Variants in DIPK1A observed in about 807,000 individuals in gnomAD.
The protein encoded by DIPK1A is family with sequence similarity 69 member A.
In DIPK1A, 27 loss-of-function variants were observed where a neutral mutation model predicts 40.8. That is an observed-to-expected ratio of 0.66 (90% CI 0.49 to 0.91). The LOEUF is 0.91. DIPK1A is among the 40% of genes least tolerant of loss of function. The pLI, the probability that DIPK1A is intolerant of heterozygous loss-of-function variation, is 0.00. For missense variants in DIPK1A, 412 were observed against 505.7 expected (o/e 0.81, Z 1.78); for synonymous variants, 166 against 171.3 (o/e 0.97, Z 0.24).
rs773989176 is a variant in DIPK1A, at chr1:92,847,363, T to C, written c.298-4A>G. 17 of 1,590,754 alleles carry C rather than the reference T, an allele frequency of 1.1e-5. No individual in the cohort carries two copies. The highest frequency in any genetic ancestry group is 2.3e-5 in the East Asian group (1 of 44,330). On this transcript the variant is annotated splice_region_variant and splice_polypyrimidine_tract_variant and intron_variant, in intron 3 of 4. Transcript: ENST00000370310. ...TATCCCAAATCCCTAAATACATCTATGTAAAAAAGAGTGGCAAGTTATGTA... is the reference window on the plus strand; with the variant it reads ...TATCCCAAATCCCTAAATACATCTACGTAAAAAAGAGTGGCAAGTTATGTA...
intron 4 of DIPK1A, chr1:92,836,910 CTG>C: frequency 9.2e-6 from 2 of 217,524 alleles, no homozygotes; most frequent in East Asian, 1.2e-4. Context: ...GTTGTTGAGT[CTG>C]TGCATCTTGA....
At chr1:92,908,020 C>T (rs1484846544) in intron 1 of DIPK1A, among the ~76,000 whole-genome samples, 1 of 152,048 alleles carries the variant, frequency 6.6e-6, no homozygotes, top group African/African-American at 2.4e-5. Context: ...AGTAGGAGCC[C>T]CAAGTTTCTG....
At chr1:92,866,926 T>C (rs1647572424) in intron 2 of DIPK1A, among the ~76,000 whole-genome samples, 18 of 152,202 alleles carry the variant, frequency 1.2e-4, no homozygotes, top group Admixed American at 1.2e-3. Flanking sequence ...GCTTCTCTGA[T>C]TGAATCCTGA....
At chr1:92,874,916 G>T (rs971691681) in intron 2 of DIPK1A, among the ~76,000 whole-genome samples, 2 of 152,048 alleles carry the variant, frequency 1.3e-5, no homozygotes, top group African/African-American at 4.8e-5. Context: ...CAGTACATTG[G>T]CCCCAGAGAT....
intron 2 of DIPK1A, among the ~76,000 whole-genome samples, chr1:92,873,713 G>T (rs540606547): frequency 4.6e-5 from 7 of 151,922 alleles, no homozygotes; most frequent in African/African-American, 1.7e-4. Flanking sequence ...TACTTTTAAA[G>T]AAGTTATTTT....
intron 1 of DIPK1A, among the ~76,000 whole-genome samples, chr1:92,950,451 GA>G (rs1651583912): frequency 6.6e-6 from 1 of 152,230 alleles, no homozygotes; most frequent in South Asian, 2.1e-4. Flanking sequence ...TCACCAGCAG[GA>G]AGGGAGACCT....
intron 1 of DIPK1A, among the ~76,000 whole-genome samples, chr1:92,881,950 GTC>G: frequency 6.6e-6 from 1 of 152,192 alleles, no homozygotes; most frequent in Middle Eastern, 3.4e-3. Context: ...ATATTTAAAT[GTC>G]TCTAAGATCT....
intron 1 of DIPK1A, among the ~76,000 whole-genome samples, chr1:92,914,347 CAT>C (rs1422911314): frequency 1.3e-5 from 2 of 152,038 alleles, no homozygotes; most frequent in African/African-American, 4.8e-5. Context: ...TTATTAATCA[CAT>C]GTGAAGTTCT....
chr1:92,889,869 T>C (rs956617802), intron 1 of DIPK1A, among the ~76,000 whole-genome samples: 1 of 152,094 alleles, frequency 6.6e-6, no homozygotes, highest in African/African-American at 2.4e-5. Context: ...AGGCTGGTCT[T>C]GAACTACTGA....
chr1:92,886,206 C>T (rs1648591461), intron 1 of DIPK1A, among the ~76,000 whole-genome samples: 1 of 151,916 alleles, frequency 6.6e-6, no homozygotes, highest in Admixed American at 6.6e-5. Flanking sequence ...GTGGCTTGCA[C>T]CTGTAGTCCC....
At chr1:92,941,232 C>G (rs1449841073) in intron 1 of DIPK1A, among the ~76,000 whole-genome samples, 1 of 152,132 alleles carries the variant, frequency 6.6e-6, no homozygotes, top group African/African-American at 2.4e-5. Context: ...TATTAAAAAA[C>G]AGAATTATCC....
intron 2 of DIPK1A, among the ~76,000 whole-genome samples, chr1:92,867,674 T>C (rs1647620696): frequency 6.6e-6 from 1 of 152,102 alleles, no homozygotes; most frequent in Admixed American, 6.6e-5. Context: ...CCTGGCTAAT[T>C]TTTGTATTTT....
rs552144485 is a variant in DIPK1A at position 92,892,994 on chromosome 1, T to G, written c.55-16564A>C. Among the ~76,000 whole-genome samples the G allele has an allele frequency of 2.3e-3, 343 of 152,102 alleles. 5 individuals are homozygous for G. The highest frequency in any genetic ancestry group is 7.6e-3 in the African/African-American group (316 of 41,426). Reference sequence around the variant, plus strand: ...ATGAACAAAGCCTCCAAGAAATATGTGACTATGTGAAAAGACCAAATCTAC... The same window carrying G: ...ATGAACAAAGCCTCCAAGAAATATGGGACTATGTGAAAAGACCAAATCTAC... On this transcript the variant is annotated intron_variant, in intron 1 of 4. Coordinates refer to ENST00000370310, the MANE Select transcript of DIPK1A (RefSeq NM_001006605.5).
chr1:92,849,241 C>T (rs1252699835), intron 3 of DIPK1A, among the ~76,000 whole-genome samples: 2 of 152,162 alleles, frequency 1.3e-5, no homozygotes, highest in Non-Finnish European at 2.9e-5. Flanking sequence ...CCATATTCTA[C>T]AATTATTTTG....
At chr1:92,929,781 TG>T (rs945957952) in intron 1 of DIPK1A, among the ~76,000 whole-genome samples, 2 of 152,218 alleles carry the variant, frequency 1.3e-5, no homozygotes, top group African/African-American at 2.4e-5. Flanking sequence ...AATGTTGTTT[TG>T]ATTCAGTGTC....
chr1:92,947,306 A>T (rs1445962787), intron 1 of DIPK1A, among the ~76,000 whole-genome samples: 2 of 152,202 alleles, frequency 1.3e-5, no homozygotes, highest in Non-Finnish European at 2.9e-5. Context: ...AAATGATCTG[A>T]ACAGACATTT....
In DIPK1A at chr1:92,836,292, A is replaced by G. The variant is rs767564815; in HGVS notation, c.475-3258T>C. On this transcript the variant is annotated intron_variant, in intron 4 of 4. Transcript: ENST00000615519. ...CATTGATGGTCAGCCAGGTGCCTTCACCTGCTATTTGGATGCAGGCCTTGC... is the reference window on the plus strand; with the variant it reads ...CATTGATGGTCAGCCAGGTGCCTTCGCCTGCTATTTGGATGCAGGCCTTGC... The G allele has an allele frequency of 1.2e-6, 2 of 1,614,122 alleles. No homozygotes were observed. The highest frequency in any genetic ancestry group is 1.3e-5 in the African/African-American group (1 of 75,048).
At chr1:92,871,471 ATTCTT>A (rs1325200782) in intron 2 of DIPK1A, among the ~76,000 whole-genome samples, 2 of 151,954 alleles carry the variant, frequency 1.3e-5, no homozygotes, top group African/African-American at 2.4e-5. Flanking sequence ...GGCCTCTTTT[ATTCTT>A]TTATTATTCC....
chr1:92,932,211 C>T (rs1015863024), intron 1 of DIPK1A: 37 of 168,506 alleles, frequency 2.2e-4, no homozygotes, highest in Non-Finnish European at 3.5e-4. Context: ...GAGGCCGAGG[C>T]GGGCAGATAA....
Sources: gnomAD v4.1 joint callset for allele counts (sites outside exome capture counted in the v4.1 genomes callset) on GRCh38, gnomAD v4.1.1 for gene constraint, MANE v1.5 for transcripts, NCBI Gene and HGNC (gene_info 2026-07-23, HGNC 2026-07-21) for gene names.